Variants in PSD3 observed in about 807,000 individuals in gnomAD.
PSD3 encodes pleckstrin and Sec7 domain containing 3.
A neutral mutation model predicts 105.5 loss-of-function variants in PSD3; 49 were observed. The ratio of observed to expected loss-of-function variants is 0.46; its 90% CI spans 0.37 to 0.59. The LOEUF (loss-of-function observed/expected upper bound fraction) is 0.59. Among genes scored for constraint, PSD3 ranks in the 20% least tolerant of loss-of-function variants. PSD3 has a pLI of 0.00. For missense variants in PSD3, 1,561 were observed against 1,263.8 expected, an observed-to-expected ratio of 1.24 and a Z score of -3.57; for synonymous variants, 557 against 457.8, an observed-to-expected ratio of 1.22 and a Z score of -2.77.
intron 4 of PSD3, among the ~76,000 whole-genome samples, chr8:18,837,598 G>A (rs1275087418): frequency 6.6e-6 from 1 of 152,024 alleles, no homozygotes; most frequent in African/African-American, 2.4e-5. Flanking sequence ...AATACTCACT[G>A]GCAAAAGATG....
intron 2 of PSD3, among the ~76,000 whole-genome samples, chr8:18,920,871 C>A (rs577734824): frequency 3.2e-4 from 48 of 152,262 alleles, no homozygotes; most frequent in African/African-American, 1.2e-3. Flanking sequence ...CCTCCCCAAA[C>A]AATATGAATA....
chr8:18,851,933 T>C (rs1815608586), intron 4 of PSD3, among the ~76,000 whole-genome samples: 1 of 152,104 alleles, frequency 6.6e-6, no homozygotes, highest in African/African-American at 2.4e-5. Context: ...AAATTCAATC[T>C]AAAACCCATA....
chr8:18,771,710 T>C (rs763415435), intron 8 of PSD3, among the ~76,000 whole-genome samples: 1 of 152,222 alleles, frequency 6.6e-6, no homozygotes, highest in Non-Finnish European at 1.5e-5. Flanking sequence ...CTGTTGAGCT[T>C]TATATCAGCA....
chr8:18,652,066 T>C (rs976884190), intron 10 of PSD3, among the ~76,000 whole-genome samples: 5 of 151,968 alleles, frequency 3.3e-5, no homozygotes, highest in African/African-American at 1.2e-4. Flanking sequence ...AGTGGTGGTG[T>C]GGGAGGGTGT....
chr8:18,567,274 T>G (rs1801842219), intron 14 of PSD3, among the ~76,000 whole-genome samples: 1 of 152,180 alleles, frequency 6.6e-6, no homozygotes, highest in African/African-American at 2.4e-5. Context: ...GAAGGTTTTT[T>G]TTTTTGCTTC....
chr8:18,802,754 T>C (rs1167406904), intron 6 of PSD3, among the ~76,000 whole-genome samples: 1 of 152,178 alleles, frequency 6.6e-6, no homozygotes, highest in Non-Finnish European at 1.5e-5. Flanking sequence ...CTTCCAGACA[T>C]GGACATTTTA....
intron 12 of PSD3, among the ~76,000 whole-genome samples, chr8:18,594,984 A>C (rs1393332927): frequency 6.6e-6 from 1 of 152,080 alleles, no homozygotes; most frequent in Non-Finnish European, 1.5e-5. Context: ...AAAAATATAC[A>C]ATGCTTTAAT....
chr8:18,863,010 C>T (rs1372693266), intron 4 of PSD3, among the ~76,000 whole-genome samples: 3 of 152,114 alleles, frequency 2.0e-5, no homozygotes, highest in African/African-American at 7.2e-5. Flanking sequence ...TTCTGCCATA[C>T]CCGTTAGTAT....
intron 10 of PSD3, among the ~76,000 whole-genome samples, chr8:18,649,409 C>G (rs1478692767): frequency 1.3e-5 from 2 of 152,168 alleles, no homozygotes; most frequent in East Asian, 3.9e-4. Context: ...GCCTGTAGCC[C>G]CTTTCTTTTG....
chr8:18,990,524 A>C (rs2410596), intron 1 of PSD3, among the ~76,000 whole-genome samples: 113,088 of 152,074 alleles, frequency 0.74, 43,685 homozygotes, highest in South Asian at 0.87. Flanking sequence ...CTGGCCAGCA[A>C]TCCTTCTCCT....
At chr8:19,005,136 T>C (rs1826613098) in intron 1 of PSD3, among the ~76,000 whole-genome samples, 1 of 152,028 alleles carries the variant, frequency 6.6e-6, no homozygotes, top group Non-Finnish European at 1.5e-5. Flanking sequence ...CTAGAATGGC[T>C]ACAAAACTTG....
intron 8 of PSD3, among the ~76,000 whole-genome samples, chr8:18,768,546 A>G (rs1016572756): frequency 5.1e-4 from 77 of 152,184 alleles, no homozygotes; most frequent in African/African-American, 1.7e-3. Context: ...ACAGTGAGCC[A>G]TAATTGTGCC....
chr8:18,786,121 G>A lies in PSD3; in HGVS notation c.2082+13174C>T, dbSNP rs561195389. ...CGGGAGGCTGAGGCAGGAGAATGAC[G>A]TGAACCCGGGAGGTGGAGCTTGCAG... On this transcript the variant is annotated intron_variant, in intron 8 of 15. Coordinates refer to ENST00000327040, the MANE Select transcript of PSD3 (RefSeq NM_015310.4). Among the ~76,000 whole-genome samples, 26 of 152,228 alleles carry A rather than the reference G, an allele frequency of 1.7e-4. No individual in the cohort carries two copies. In the South Asian group the frequency reaches 4.4e-3, roughly 26 times the overall value.
chr8:18,675,369 C>A (rs1563162891), intron 9 of PSD3, among the ~76,000 whole-genome samples: 1 of 152,178 alleles, frequency 6.6e-6, no homozygotes, highest in South Asian at 2.1e-4. Flanking sequence ...GGAGATTAGA[C>A]TGTTTGAGAT....
At chr8:19,017,431 C>T (rs1348415062), upstream of PSD3, among the ~76,000 whole-genome samples, 1 of 152,152 alleles carries the variant, frequency 6.6e-6, no homozygotes, top group Non-Finnish European at 1.5e-5. Flanking sequence ...CCACACAACT[C>T]ACCCATTTAA....
At chr8:18,966,181 T>G (rs1824230935) in intron 1 of PSD3, among the ~76,000 whole-genome samples, 1 of 152,178 alleles carries the variant, frequency 6.6e-6, no homozygotes, top group Non-Finnish European at 1.5e-5. Context: ...TAAGATGGAT[T>G]TCTTAATTAA....
At chr8:18,808,649 G>A (rs1811410960) in intron 4 of PSD3, 6 of 1,415,302 alleles carry the variant, frequency 4.2e-6, no homozygotes, top group Non-Finnish European at 6.0e-6. Context: ...GTCCCTAGAT[G>A]GCTTCATTCT....
At chr8:19,002,194 C>T (rs1192077684) in intron 1 of PSD3, among the ~76,000 whole-genome samples, 1 of 151,984 alleles carries the variant, frequency 6.6e-6, no homozygotes, top group African/African-American at 2.4e-5. Flanking sequence ...TTTGAGAGGT[C>T]ATAAAGTTTA....
At chr8:18,725,350 C>A (rs1217989238) in intron 9 of PSD3, among the ~76,000 whole-genome samples, 1 of 152,138 alleles carries the variant, frequency 6.6e-6, no homozygotes, top group Non-Finnish European at 1.5e-5. Flanking sequence ...TAAGTAGGAT[C>A]AGATCTTCAA....
Sources: gnomAD v4.1 joint callset for allele counts (sites outside exome capture counted in the v4.1 genomes callset) on GRCh38, gnomAD v4.1.1 for gene constraint, MANE v1.5 for transcripts, NCBI Gene and HGNC (gene_info 2026-07-23, HGNC 2026-07-21) for gene names.